The following PLCE1 variants were observed in gnomAD, a reference collection of about 807,000 sequenced individuals.
PLCE1 encodes phospholipase C epsilon 1, also known as 1-phosphatidylinositol 4,5-bisphosphate phosphodiesterase epsilon-1.
Under a neutral mutation model 242.8 loss-of-function variants are expected in PLCE1, and 119 were observed. That is an observed-to-expected ratio of 0.49 (90% CI 0.42 to 0.57). The LOEUF (loss-of-function observed/expected upper bound fraction) is 0.57. Among genes scored for constraint, PLCE1 ranks in the 20% least tolerant of loss-of-function variants. The pLI, the probability that PLCE1 is intolerant of heterozygous loss-of-function variation, is 0.00. For missense variants in PLCE1, 2,441 were observed against 2,788.8 expected (o/e 0.88, Z 2.81); for synonymous variants, 945 against 1,017.4 (o/e 0.93, Z 1.35).
rs1353979551 is a variant in PLCE1 at position 94,171,487 on chromosome 10, G to A, written c.1800G>A (p.Arg600=). ...EHNALEDLVM[R]FNEVSSWVTW... Reference sequence around the variant, plus strand: ...ATGCCCTTGAAGATCTGGTGATGAGGTTTAATGAGGTAAGAAGCCACTTTT... The same window carrying A: ...ATGCCCTTGAAGATCTGGTGATGAGATTTAATGAGGTAAGAAGCCACTTTT... Residue 600 remains arginine (R), a synonymous_variant, in exon 4 of 33, where the codon AGG becomes AGA. Coordinates refer to ENST00000371380, the MANE Select transcript of PLCE1 (RefSeq NM_016341.4). 1 of 1,613,832 alleles carries A rather than the reference G, an allele frequency of 6.2e-7. No homozygotes were observed.
At chr10:94,072,933 G>A (rs1164658644) in intron 2 of PLCE1, among the ~76,000 whole-genome samples, 2 of 152,046 alleles carry the variant, frequency 1.3e-5, no homozygotes, top group Admixed American at 6.6e-5. Context: ...TGGGGGAGAG[G>A]GTGTACACCT....
intron 4 of PLCE1, among the ~76,000 whole-genome samples, chr10:94,188,530 A>G (rs2048554610): frequency 6.6e-6 from 1 of 152,058 alleles, no homozygotes; most frequent in African/African-American, 2.4e-5. Flanking sequence ...CTGGGCTCCT[A>G]CTGTCCATCA....
chr10:94,214,046 TGAAAGGCAGAGCCAA>T (rs1308562544), intron 4 of PLCE1, among the ~76,000 whole-genome samples: 1 of 152,182 alleles, frequency 6.6e-6, no homozygotes, highest in Admixed American at 6.5e-5. Flanking sequence ...ACAGAAATAG[TGAAAGGCAGAGCCAA>T]GAAATGAACC....
At chr10:94,282,042 T>C (rs1027155197) in intron 20 of PLCE1, among the ~76,000 whole-genome samples, 2 of 150,566 alleles carry the variant, frequency 1.3e-5, no homozygotes, top group Non-Finnish European at 3.0e-5. Flanking sequence ...AGATGAAAGC[T>C]ATCACCTCTG....
intron 2 of PLCE1, among the ~76,000 whole-genome samples, chr10:94,041,579 T>C (rs1444172958): frequency 6.6e-6 from 1 of 152,160 alleles, no homozygotes; most frequent in Non-Finnish European, 1.5e-5. Flanking sequence ...GACAGCTGTG[T>C]GCTTCAGTGG....
chr10:94,308,782 C>T (rs934822396), intron 27 of PLCE1, 83 bp downstream of exon 27: 12 of 870,772 alleles, frequency 1.4e-5, no homozygotes, highest in Middle Eastern at 2.2e-4. Context: ...GCAAAGTGGT[C>T]GGTGTGAGTT....
chr10:94,060,648 C>T (rs557588220), intron 2 of PLCE1, among the ~76,000 whole-genome samples: 29 of 151,526 alleles, frequency 1.9e-4, no homozygotes, highest in Non-Finnish European at 2.1e-4. Flanking sequence ...GATACATTAA[C>T]GTTAGCATGA....
intron 3 of PLCE1, among the ~76,000 whole-genome samples, chr10:94,169,930 G>A (rs542868429): frequency 2.6e-5 from 4 of 152,294 alleles, no homozygotes; most frequent in South Asian, 2.1e-4. Context: ...AGCACCAGAC[G>A]AAGGCCAAGG....
chr10:94,041,560 A>G (rs980307527), intron 2 of PLCE1, among the ~76,000 whole-genome samples: 1 of 152,102 alleles, frequency 6.6e-6, no homozygotes, highest in Admixed American at 6.5e-5. Context: ...CTTACAAGGG[A>G]ACACCTGAGA....
intron 4 of PLCE1, among the ~76,000 whole-genome samples, chr10:94,205,665 C>T (rs955801486): frequency 6.6e-6 from 1 of 152,210 alleles, no homozygotes; most frequent in Non-Finnish European, 1.5e-5. Context: ...ATGGCAATAT[C>T]CTAATGCCCT....
intron 3 of PLCE1, chr10:94,139,625 A>C (rs1345248726): frequency 1.3e-5 from 2 of 152,188 alleles, no homozygotes; most frequent in African/African-American, 4.8e-5. Flanking sequence ...TGGGGACTAG[A>C]GTGAAAGACA....
At chr10:94,186,245 C>T (rs1001748227) in intron 4 of PLCE1, among the ~76,000 whole-genome samples, 13 of 152,222 alleles carry the variant, frequency 8.5e-5, no homozygotes, top group South Asian at 4.2e-4. Context: ...GGTAATTCTC[C>T]GCTCTTAATT....
intron 1 of PLCE1, among the ~76,000 whole-genome samples, chr10:94,000,547 T>C (rs2060913084): frequency 6.6e-6 from 1 of 152,266 alleles, no homozygotes; most frequent in South Asian, 2.1e-4. Context: ...GTTAGAACTG[T>C]ACATGGGCTA....
At chr10:94,176,837 G>A (rs187670368) in intron 4 of PLCE1, among the ~76,000 whole-genome samples, 74 of 152,320 alleles carry the variant, frequency 4.9e-4, no homozygotes, top group African/African-American at 1.8e-3. Flanking sequence ...TGCAGTGAGA[G>A]TGGCACCAAC....
chr10:94,226,217 A>C (rs141918378), intron 4 of PLCE1, among the ~76,000 whole-genome samples: 307 of 152,366 alleles, frequency 2.0e-3, no homozygotes, highest in African/African-American at 6.9e-3. Context: ...ATTGTCCTCC[A>C]GTCTGTGTAG....
chr10:94,329,990 T>C lies in PLCE1; in HGVS notation c.*2047T>C, dbSNP rs2054140683. ...GCACAATGCTGCTCCATTTTAAAAA[T>C]ATTCCGGAAACACTTTATCAAGCCT... is the stretch of plus-strand genomic sequence containing the variant. On this transcript the variant is annotated 3_prime_UTR_variant, in exon 33 of 33. Coordinates refer to ENST00000371380, the MANE Select transcript of PLCE1 (RefSeq NM_016341.4). 2 of 152,132 alleles carry C rather than the reference T, an allele frequency of 1.3e-5. No individual in the cohort carries two copies. The highest frequency in any genetic ancestry group is 3.8e-4 in the East Asian group (2 of 5,196). The allele number at this position is 152,132 out of a possible 1,614,324, so 9.4% of individuals were successfully genotyped here.
At chr10:94,218,755 T>C (rs922756339) in intron 4 of PLCE1, among the ~76,000 whole-genome samples, 1 of 151,728 alleles carries the variant, frequency 6.6e-6, no homozygotes, top group African/African-American at 2.4e-5. Flanking sequence ...ATAAATAAAG[T>C]GCTTTGGGAG....
chr10:94,059,229 C>T (rs188301907), intron 2 of PLCE1, among the ~76,000 whole-genome samples: 2 of 152,108 alleles, frequency 1.3e-5, no homozygotes, highest in East Asian at 1.9e-4. Context: ...ACATTATGAA[C>T]GGTATGGTTT....
chr10:94,201,874 C>T (rs899651638), intron 4 of PLCE1, among the ~76,000 whole-genome samples: 1 of 151,546 alleles, frequency 6.6e-6, no homozygotes, highest in Admixed American at 6.6e-5. Flanking sequence ...ATTGAGATAC[C>T]CAGTGAAAAA....
Sources: gnomAD v4.1 joint callset for allele counts (sites outside exome capture counted in the v4.1 genomes callset) on GRCh38, gnomAD v4.1.1 for gene constraint, MANE v1.5 for transcripts, NCBI Gene and HGNC (gene_info 2026-07-23, HGNC 2026-07-21) for gene names.